The following VWA8 variants were observed in gnomAD, a reference collection of about 807,000 sequenced individuals.
VWA8 encodes the protein von Willebrand factor A domain-containing protein 8.
VWA8 carries 221 observed loss-of-function variants against 241.5 expected under a neutral mutation model. The ratio of observed to expected loss-of-function variants is 0.91; its 90% CI spans 0.82 to 1.02. The LOEUF is 1.02. Ranked by LOEUF, VWA8 falls within the 50% of genes least tolerant of loss-of-function variation. VWA8 has a pLI of 0.00. For synonymous variants in VWA8, 852 were observed against 827.1 expected, an observed-to-expected ratio of 1.03 and a Z score of -0.52; for missense variants, 2,322 against 2,328.7, an observed-to-expected ratio of 1.00 and a Z score of 0.06.
At chr13:41,648,227 C>CT (rs962031847) in intron 37 of VWA8, among the ~76,000 whole-genome samples, 4 of 152,062 alleles carry the variant, frequency 2.6e-5, no homozygotes, top group African/African-American at 9.7e-5. Flanking sequence ...AAAAGATTTC[C>CT]TTTTTTTAGC....
chr13:41,804,895 G>C (rs1471552408), intron 17 of VWA8, among the ~76,000 whole-genome samples: 1 of 151,884 alleles, frequency 6.6e-6, no homozygotes, highest in African/African-American at 2.4e-5. Flanking sequence ...TGGTAACCTC[G>C]AACCAAAAAA....
At chr13:41,818,809 G>T (rs1593792846) in intron 15 of VWA8, among the ~76,000 whole-genome samples, 1 of 152,086 alleles carries the variant, frequency 6.6e-6, no homozygotes, top group East Asian at 1.9e-4. Context: ...ACTTAAAATA[G>T]TCACTTTTCA....
chr13:41,761,815 T>C (rs2045742422), intron 20 of VWA8, among the ~76,000 whole-genome samples: 1 of 152,098 alleles, frequency 6.6e-6, no homozygotes, highest in South Asian at 2.1e-4. Context: ...TGCTGAGAGT[T>C]GCTATCCTTT....
intron 1 of VWA8, among the ~76,000 whole-genome samples, chr13:41,954,564 C>T (rs1878276667): frequency 6.6e-6 from 1 of 152,190 alleles, no homozygotes; most frequent in Admixed American, 6.5e-5. Flanking sequence ...TTGATCACTC[C>T]ATTAGTCTTT....
chr13:41,897,245 G>T (rs1345118315), intron 4 of VWA8, among the ~76,000 whole-genome samples: 15 of 152,064 alleles, frequency 9.9e-5, no homozygotes, highest in Non-Finnish European at 5.9e-5. Context: ...TTTAAAAATG[G>T]GTAAAGGATC....
chr13:41,947,300 A>G (rs1468265519), intron 2 of VWA8, among the ~76,000 whole-genome samples: 1 of 152,230 alleles, frequency 6.6e-6, no homozygotes, highest in Non-Finnish European at 1.5e-5. Context: ...GCTATTCTAT[A>G]TCATGACCAA....
At chr13:41,907,782 GC>G in intron 3 of VWA8, 86 bp from the exon 4 acceptor site, 2 of 1,168,380 alleles carry the variant, frequency 1.7e-6, no homozygotes, top group East Asian at 2.4e-5. Flanking sequence ...CAATGCCATT[GC>G]CCATGAGAAG....
chr13:41,787,500 C>A lies in VWA8; in HGVS notation c.2107G>T (p.Ala703Ser). 3 of 1,611,984 alleles carry A rather than the reference C, an allele frequency of 1.9e-6. No homozygotes were observed. The highest frequency in any genetic ancestry group is 1.7e-6 in the Non-Finnish European group (2 of 1,179,008). The change falls in exon 18 of 45, where the codon GCA (alanine) becomes TCA (serine). Residue 703 changes from alanine (A) to serine (S), a missense_variant. Physicochemically the swap from Ala to Ser is moderately conservative, Grantham distance 99 (BLOSUM62 1). Transcript: ENST00000379310. Reference protein sequence around the residue: ...LARSALEKNLADATIEINTDD... With the variant: ...LARSALEKNLSDATIEINTDD... ...GTATTTATTTCTATTGTAGCATCTG[C>A]CAGATTTTTTTCTAATGCTGACCTA... is the stretch of plus-strand genomic sequence containing the variant.
chr13:41,922,060 C>T (rs1876566212), intron 2 of VWA8, among the ~76,000 whole-genome samples: 1 of 152,180 alleles, frequency 6.6e-6, no homozygotes, highest in Non-Finnish European at 1.5e-5. Flanking sequence ...GGAACCAAAA[C>T]AGCATGGTAT....
chr13:41,665,285 T>G (rs1358163618), intron 37 of VWA8, among the ~76,000 whole-genome samples: 2 of 152,120 alleles, frequency 1.3e-5, no homozygotes, highest in Non-Finnish European at 2.9e-5. Context: ...ATTACTGTAT[T>G]TCATTCTTAC....
intron 12 of VWA8, among the ~76,000 whole-genome samples, chr13:41,857,330 G>A (rs1166828685): frequency 6.6e-6 from 1 of 152,080 alleles, no homozygotes; most frequent in African/African-American, 2.4e-5. Context: ...CTTACAATTA[G>A]CTAGGTATAA....
At chr13:41,670,472 G>T (rs1168534673) in intron 37 of VWA8, among the ~76,000 whole-genome samples, 5 of 152,082 alleles carry the variant, frequency 3.3e-5, no homozygotes, top group Non-Finnish European at 7.3e-5. Flanking sequence ...AAATAAGGAA[G>T]TTGATAAAAA....
At chr13:41,930,616 G>A (rs1171243427) in intron 2 of VWA8, among the ~76,000 whole-genome samples, 1 of 152,138 alleles carries the variant, frequency 6.6e-6, no homozygotes, top group Non-Finnish European at 1.5e-5. Context: ...GACTGCATGT[G>A]ATAGGTCGCA....
At chr13:41,746,175 AT>A (rs2045605133) in intron 21 of VWA8, among the ~76,000 whole-genome samples, 2 of 152,302 alleles carry the variant, frequency 1.3e-5, no homozygotes, top group South Asian at 4.1e-4. Context: ...ATATATTTGT[AT>A]TTACATTTTT....
intron 36 of VWA8, among the ~76,000 whole-genome samples, chr13:41,672,264 A>G (rs1294376482): frequency 1.3e-5 from 2 of 152,194 alleles, no homozygotes; most frequent in African/African-American, 4.8e-5. Context: ...TATTTCACAC[A>G]TATTTCATTA....
At chr13:41,699,578 C>A (rs899201994) in intron 28 of VWA8, among the ~76,000 whole-genome samples, 1 of 152,170 alleles carries the variant, frequency 6.6e-6, no homozygotes, top group Non-Finnish European at 1.5e-5. Context: ...GGAAATTCTT[C>A]CTTGTATGAC....
rs764948828 is a variant in VWA8 at position 41,570,568 on chromosome 13, A to G, written c.5509T>C (p.Tyr1837His). Residue 1837 changes from tyrosine to histidine, a missense_variant, in exon 44 of 45, where the codon TAT becomes CAT. Coordinates refer to ENST00000379310, the MANE Select transcript of VWA8 (RefSeq NM_015058.2). Reference protein sequence around the residue: ...IVLSDANLSRYGIHPAKFAQI... With the variant: ...IVLSDANLSRHGIHPAKFAQI... ...GCAAACTTAGCAGGATGTATTCCAT[A>G]TCGTGACAGATTTGCATCACTCAAG... 3 of 1,614,118 alleles carry G rather than the reference A, an allele frequency of 1.9e-6. No homozygotes were observed. In the African/African-American group the frequency reaches 4.0e-5, roughly 22 times the overall value.
At chr13:41,607,029 T>C (rs910255341) in intron 39 of VWA8, among the ~76,000 whole-genome samples, 62 of 152,200 alleles carry the variant, frequency 4.1e-4, no homozygotes, top group African/African-American at 1.5e-3. Flanking sequence ...TGTTTTACAT[T>C]GAGATCTTGT....
At chr13:41,930,974 C>A (rs1399663691) in intron 2 of VWA8, among the ~76,000 whole-genome samples, 1 of 151,688 alleles carries the variant, frequency 6.6e-6, no homozygotes, top group Non-Finnish European at 1.5e-5. Context: ...CATGGTGAAA[C>A]CCCGTCTCTA....
Sources: allele counts gnomAD v4.1 joint callset (sites outside exome capture counted in the v4.1 genomes callset), GRCh38; gene constraint gnomAD v4.1.1; transcripts MANE v1.5; gene names NCBI Gene and HGNC (gene_info 2026-07-23, HGNC 2026-07-21).